Variants in PER3 observed in about 807,000 individuals in gnomAD.
The protein encoded by PER3 is period circadian regulator 3.
A neutral mutation model predicts 127.2 loss-of-function variants in PER3; 107 were observed. The observed-to-expected ratio is 0.84, with a 90% CI of 0.72 to 0.99. The LOEUF is 0.99. PER3 is among the 50% of genes least tolerant of loss of function. The probability of loss-of-function intolerance (pLI) is 0.00; values close to 1 mark genes in which losing one functional copy is unlikely to be tolerated. For synonymous variants in PER3, 618 were observed against 585.8 expected (o/e 1.05, Z -0.79); for missense variants, 1,560 against 1,525.8 (o/e 1.02, Z -0.37).
Position 7,789,781 on chromosome 1 carries a change from C to T in PER3, c.592+1535C>T, listed in dbSNP as rs75307902. 7.4e-3 allele frequency among the ~76,000 whole-genome samples: 1,128 copies of T among 152,252 alleles called. 33 individuals are homozygous for T. The East Asian group carries it at 0.11, about 15-fold the overall frequency. ...AGGGTAGCTTTGCGTGTTTCTTCTT[C>T]CAATTATAGATTGCCCCATCTTTTA... is the stretch of plus-strand genomic sequence containing the variant. On this transcript the variant is annotated intron_variant, in intron 5 of 21. Transcript: ENST00000377532.
At chr1:7,835,485 A>T (rs571299699) in intron 19 of PER3, among the ~76,000 whole-genome samples, 15 of 152,312 alleles carry the variant, frequency 9.8e-5, no homozygotes. Context: ...AGTGAAGCTG[A>T]GATGTTGATG....
chr1:7,802,792 G>A (rs1254785827), intron 8 of PER3, among the ~76,000 whole-genome samples: 2 of 152,190 alleles, frequency 1.3e-5, no homozygotes, highest in Non-Finnish European at 2.9e-5. Context: ...AGCATACAGC[G>A]AGACTGTGGA....
intron 10 of PER3, among the ~76,000 whole-genome samples, chr1:7,806,665 G>A (rs1471956538): frequency 3.3e-5 from 5 of 151,226 alleles, no homozygotes; most frequent in African/African-American, 7.3e-5. Context: ...ATGGTGGTAC[G>A]TGCCTGTAGT....
At chr1:7,837,623 T>A (rs1188514619) in intron 21 of PER3, among the ~76,000 whole-genome samples, 1 of 152,236 alleles carries the variant, frequency 6.6e-6, no homozygotes, top group African/African-American at 2.4e-5. Flanking sequence ...TTCTTCTCAA[T>A]GAGATTATTT....
At chr1:7,841,424 C>T (rs1384285433) in intron 21 of PER3, among the ~76,000 whole-genome samples, 1 of 152,100 alleles carries the variant, frequency 6.6e-6, no homozygotes, top group African/African-American at 2.4e-5. Context: ...TTATTGCCCA[C>T]TCTGACTCCC....
intron 5 of PER3, among the ~76,000 whole-genome samples, chr1:7,793,742 T>C (rs1353007925): frequency 6.6e-6 from 1 of 152,208 alleles, no homozygotes; most frequent in East Asian, 1.9e-4. Flanking sequence ...CTGTTATACC[T>C]GAGGTTCACG....
At chr1:7,793,295 G>A (rs762620474) in intron 5 of PER3, among the ~76,000 whole-genome samples, 6 of 152,122 alleles carry the variant, frequency 3.9e-5, no homozygotes, top group Non-Finnish European at 8.8e-5. Flanking sequence ...GGCAAATTTA[G>A]ACATTTCTGA....
At position 7,784,711 on chromosome 1, in the gene PER3, T is replaced by G. The variant is rs983525861; in HGVS notation, c.-167T>G. The G allele has an allele frequency of 3.3e-6, 2 of 605,302 alleles. No homozygotes were observed. Among genetic ancestry groups the G allele is most frequent in the Non-Finnish European group, 5.1e-6 (2 of 390,582 alleles). The allele number at this position is 605,302 out of a possible 1,614,324, so 37.5% of individuals were successfully genotyped here. ...TTTTGAAAATGTTGGAGGGAAAAGC[T>G]CCTCGGAGATGAGCGTGACCCCCTG... On this transcript the variant is annotated 5_prime_UTR_variant, in exon 2 of 22. Transcript: ENST00000377532.
At chr1:7,788,972 G>A (rs1276897137) in intron 5 of PER3, among the ~76,000 whole-genome samples, 1 of 150,850 alleles carries the variant, frequency 6.6e-6, no homozygotes, top group Non-Finnish European at 1.5e-5. Flanking sequence ...TGAAACTTAT[G>A]AGTCTTATTA....
At chr1:7,837,210 T>C (rs946462609) in intron 21 of PER3, 61 bp downstream of exon 21, 2 of 1,425,316 alleles carry the variant, frequency 1.4e-6, no homozygotes, top group Admixed American at 3.9e-5. Flanking sequence ...GTGCTTTTAA[T>C]ATAGGTCGTG....
Position 7,827,602 on chromosome 1 carries a change from G to T in PER3, c.2673G>T (p.Met891Ile), listed in dbSNP as rs760373414. 1.2e-6 allele frequency: 2 copies of T among 1,614,146 alleles called. No individual in the cohort carries two copies. Residue 891 changes from methionine (M) to isoleucine (I), a missense_variant, in exon 18 of 22, where the codon ATG becomes ATT. Physicochemically the swap from Met to Ile is conservative, Grantham distance 10 (BLOSUM62 1). Transcript: ENST00000377532. ...ATASSAISPS[M>I]SSAMSPTLDP... is the part of the protein sequence containing the mutation. Reference sequence around the variant, plus strand: ...CCTCTTCTGCGATATCACCCTCAATGTCGTCAGCAATGAGTCCAACTCTGG... The same window carrying T: ...CCTCTTCTGCGATATCACCCTCAATTTCGTCAGCAATGAGTCCAACTCTGG...
At chr1:7,802,175 G>A (rs148427213) in intron 8 of PER3, among the ~76,000 whole-genome samples, 8 of 152,188 alleles carry the variant, frequency 5.3e-5, no homozygotes, top group Non-Finnish European at 8.8e-5. Context: ...TCTTACCATC[G>A]TAAGTTTCCC....
rs1400758648 is a variant in PER3 at position 7,842,864 on chromosome 1, A to AT, written c.*115dup. The AT allele has an allele frequency of 1.2e-6, 1 of 844,972 alleles. No individual in the cohort carries two copies. The highest frequency in any genetic ancestry group is 1.7e-6 in the Non-Finnish European group (1 of 574,610). 52.3% of individuals were successfully genotyped at this position (844,972 alleles called of 1,614,324 possible). A position where few individuals can be genotyped will look rare whatever the true frequency, so the allele number is the denominator to read the frequency against. ...CATGAAGTTATCATTGAATGTTAAG[A>AT]TTTTTTCTTCTTGATTTTTTAATAC... On this transcript the variant is annotated 3_prime_UTR_variant, in exon 22 of 22. Coordinates refer to ENST00000377532, the MANE Select transcript of PER3 (RefSeq NM_001377275.1).
chr1:7,784,630 G>T, intron 1 of PER3, 24 bp from the exon 2 acceptor site: 1 of 387,264 alleles, frequency 2.6e-6, no homozygotes, highest in Non-Finnish European at 4.6e-6. Flanking sequence ...TTTGTCCCTT[G>T]TCACCCTTGT....
intron 5 of PER3, among the ~76,000 whole-genome samples, chr1:7,789,140 A>AATATATAT (rs59535110): frequency 0.026 from 3,442 of 133,168 alleles, 147 homozygotes; most frequent in African/African-American, 0.086. Context: ...AGAGCTTTAA[A>AATATATAT]ATATATATAT....
intron 14 of PER3, 124 bp downstream of exon 14, chr1:7,819,544 G>A (rs2097266224): frequency 3.7e-6 from 3 of 803,398 alleles, no homozygotes; most frequent in African/African-American, 1.7e-5. Context: ...ATCAGTAGAC[G>A]TTTATGGCGT....
chr1:7,820,351 T>C, intron 15 of PER3, 112 bp downstream of exon 15: 2 of 1,394,976 alleles, frequency 1.4e-6, no homozygotes, highest in East Asian at 2.4e-5. Context: ...TCATATTACC[T>C]CTTTATGACA....
At chr1:7,785,047 G>A (rs759119601) in intron 2 of PER3, 42 bp downstream of exon 2, 2 of 1,555,938 alleles carry the variant, frequency 1.3e-6, no homozygotes, top group African/African-American at 2.8e-5. Flanking sequence ...TGCGTTCGTT[G>A]TCCTTCCCTG....
intron 10 of PER3, among the ~76,000 whole-genome samples, chr1:7,804,822 A>G (rs139706133): frequency 1.7e-4 from 25 of 150,960 alleles, no homozygotes; most frequent in African/African-American, 6.1e-4. Flanking sequence ...CCGGCCCACA[A>G]CTTCTTGTAG....
Sources: gnomAD v4.1 joint callset for allele counts (sites outside exome capture counted in the v4.1 genomes callset) on GRCh38, gnomAD v4.1.1 for gene constraint, MANE v1.5 for transcripts, NCBI Gene and HGNC (gene_info 2026-07-23, HGNC 2026-07-21) for gene names.